Variants in TMC1 observed in about 807,000 individuals in gnomAD.
TMC1 encodes transmembrane channel-like protein 1.
TMC1 carries 84 observed loss-of-function variants against 105.8 expected under a neutral mutation model. The ratio of observed to expected loss-of-function variants is 0.79; its 90% CI spans 0.67 to 0.95. The LOEUF is 0.95. Among genes scored for constraint, TMC1 ranks in the 40% least tolerant of loss-of-function variants. The pLI, the probability that TMC1 is intolerant of heterozygous loss-of-function variation, is 0.00. For synonymous variants in TMC1, 315 were observed against 311.5 expected (o/e 1.01, Z -0.12); for missense variants, 817 against 914.1 (o/e 0.89, Z 1.37).
chr9:72,728,776 A>G (rs1380508460), intron 8 of TMC1, among the ~76,000 whole-genome samples: 1 of 152,132 alleles, frequency 6.6e-6, no homozygotes, highest in East Asian at 1.9e-4. Flanking sequence ...AATACTAACA[A>G]AAAGAATGTT....
intron 1 of TMC1, among the ~76,000 whole-genome samples, chr9:72,565,924 CA>C (rs1487323714): frequency 6.6e-6 from 1 of 152,152 alleles, no homozygotes; most frequent in African/African-American, 2.4e-5. Context: ...AGCTACAATT[CA>C]AGATGAGATT....
In TMC1 at chr9:72,553,722, T is replaced by C. The variant is rs577256248; in HGVS notation, c.-427-24180T>C. 3.3e-5 allele frequency among the ~76,000 whole-genome samples: 5 copies of C among 152,324 alleles called. No individual in the cohort carries two copies. The South Asian group carries it at 1.0e-3, about 32-fold the overall frequency. On this transcript the variant is annotated intron_variant, in intron 1 of 23. Transcript: ENST00000297784. ...ATCAATGTATAAAAACTACTATGGC[T>C]ATCATCATTTAGAATTTTGTCTTAA... is the stretch of plus-strand genomic sequence containing the variant.
Position 72,659,998 on chromosome 9 carries a change from G to T in TMC1, c.16+11334G>T, listed in dbSNP as rs572545597. ...TAATATGACATCATTTTCTACCCCTGAGTGCTAATAGTCTACCTTATTCCT... is the reference window on the plus strand; with the variant it reads ...TAATATGACATCATTTTCTACCCCTTAGTGCTAATAGTCTACCTTATTCCT... On this transcript the variant is annotated intron_variant, in intron 5 of 23. Coordinates refer to ENST00000297784, the MANE Select transcript of TMC1 (RefSeq NM_138691.3). 4.1e-4 allele frequency among the ~76,000 whole-genome samples: 63 copies of T among 152,206 alleles called. 1 individual carries two copies. The highest frequency in any genetic ancestry group is 7.9e-4 in the Non-Finnish European group (54 of 68,020).
At chr9:72,655,143 C>G (rs779107745) in intron 5 of TMC1, among the ~76,000 whole-genome samples, 2 of 152,228 alleles carry the variant, frequency 1.3e-5, no homozygotes, top group South Asian at 2.1e-4. Context: ...TTATAAGTGT[C>G]TGACATTTCC....
intron 5 of TMC1, among the ~76,000 whole-genome samples, chr9:72,652,585 A>C (rs1431808621): frequency 1.3e-5 from 2 of 152,204 alleles, no homozygotes; most frequent in East Asian, 1.9e-4. Context: ...AGTATGTTGC[A>C]AAGAAATAAC....
At position 72,733,030 on chromosome 9, in the gene TMC1, C is replaced by A. The variant is rs1253773815; in HGVS notation, c.363-7089C>A. Among the ~76,000 whole-genome samples, 2 of 152,116 alleles carry A rather than the reference C, an allele frequency of 1.3e-5. 1 individual carries two copies. The highest frequency in any genetic ancestry group is 1.3e-4 in the Admixed American group (2 of 15,274). On this transcript the variant is annotated intron_variant, in intron 8 of 23. Transcript: ENST00000297784. Reference sequence around the variant, plus strand: ...TCACACACCTGGTGTGTGACAGAGCCAGGATTCAAACCCCTGTCCCAATTA... The same window carrying A: ...TCACACACCTGGTGTGTGACAGAGCAAGGATTCAAACCCCTGTCCCAATTA...
chr9:72,615,855 G>A (rs1231069412), intron 2 of TMC1, among the ~76,000 whole-genome samples: 1 of 151,544 alleles, frequency 6.6e-6, no homozygotes, highest in Non-Finnish European at 1.5e-5. Flanking sequence ...CCGGGTTTAA[G>A]CAATTCTTGT....
intron 8 of TMC1, among the ~76,000 whole-genome samples, chr9:72,703,792 TCA>T (rs1404066000): frequency 6.6e-6 from 1 of 152,224 alleles, no homozygotes; most frequent in African/African-American, 2.4e-5. Flanking sequence ...TCAGCAAGGC[TCA>T]CAGTCTGGTG....
chr9:72,663,183 G>T (rs929849984), intron 5 of TMC1, among the ~76,000 whole-genome samples: 3 of 152,114 alleles, frequency 2.0e-5, no homozygotes, highest in African/African-American at 7.2e-5. Flanking sequence ...TGTGGAAAAT[G>T]GTCCTCATGC....
intron 8 of TMC1, among the ~76,000 whole-genome samples, chr9:72,716,257 G>T (rs1411572333): frequency 6.6e-6 from 1 of 152,258 alleles, no homozygotes; most frequent in Admixed American, 6.5e-5. Flanking sequence ...CACTTGAGGA[G>T]TCACTGTGTC....
chr9:72,800,721 T>G (rs1828455448), intron 17 of TMC1, among the ~76,000 whole-genome samples: 1 of 151,986 alleles, frequency 6.6e-6, no homozygotes, highest in African/African-American at 2.4e-5. Flanking sequence ...TAGTTGGATT[T>G]CCCCCTTATC....
intron 8 of TMC1, among the ~76,000 whole-genome samples, chr9:72,720,216 C>T (rs1442411968): frequency 6.6e-6 from 1 of 152,158 alleles, no homozygotes; most frequent in East Asian, 1.9e-4. Context: ...ACAATTTAAG[C>T]TTGTTGTGTG....
intron 8 of TMC1, among the ~76,000 whole-genome samples, chr9:72,708,345 A>C (rs1057159108): frequency 6.6e-6 from 1 of 152,152 alleles, no homozygotes; most frequent in Non-Finnish European, 1.5e-5. Context: ...TTTGTAGATT[A>C]CTTTAGGTAG....
At chr9:72,725,325 G>GTATATA (rs57562145) in intron 8 of TMC1, among the ~76,000 whole-genome samples, 2,760 of 76,808 alleles carry the variant, frequency 0.036, 176 homozygotes, top group South Asian at 0.057. Context: ...ATGTGTGTAT[G>GTATATA]TATATATATA....
chr9:72,787,650 TATATATATACACAC>T lies in TMC1; in HGVS notation c.885-673_885-660del, dbSNP rs1828191316. ...AGCTCTTCATGCAAATACATATATA[TATATATATACACAC>T]ATATATATACACACACACACATATA... On this transcript the variant is annotated intron_variant, in intron 13 of 23. Transcript: ENST00000297784. Among the ~76,000 whole-genome samples the T allele has an allele frequency of 3.3e-5, 5 of 151,606 alleles. No individual in the cohort carries two copies. In the South Asian group the frequency reaches 6.2e-4, roughly 19 times the overall value.
chr9:72,627,671 G>T (rs1825372278), intron 3 of TMC1, among the ~76,000 whole-genome samples: 1 of 150,400 alleles, frequency 6.6e-6, no homozygotes, highest in Admixed American at 6.6e-5. Context: ...TTCCAAATGA[G>T]GTTGTACACA....
At chr9:72,786,330 G>C (rs533962972) in intron 13 of TMC1, among the ~76,000 whole-genome samples, 21 of 152,288 alleles carry the variant, frequency 1.4e-4, no homozygotes, top group Non-Finnish European at 2.1e-4. Context: ...TGTAGTCCCA[G>C]CTACTCAGGA....
chr9:72,541,584 A>C (rs1053158564), intron 1 of TMC1, among the ~76,000 whole-genome samples: 2 of 151,972 alleles, frequency 1.3e-5, no homozygotes, highest in African/African-American at 4.8e-5. Context: ...GCTACTCAGG[A>C]GGCTGAGACA....
intron 6 of TMC1, among the ~76,000 whole-genome samples, chr9:72,690,159 A>G (rs563482652): frequency 5.1e-4 from 77 of 151,974 alleles, no homozygotes; most frequent in Non-Finnish European, 8.7e-4. Flanking sequence ...CTCATGTTCA[A>G]CATCTTATAA....
Sources: allele counts gnomAD v4.1 joint callset (sites outside exome capture counted in the v4.1 genomes callset), GRCh38; gene constraint gnomAD v4.1.1; transcripts MANE v1.5; gene names NCBI Gene and HGNC (gene_info 2026-07-23, HGNC 2026-07-21).